The following PAK1 variants were observed in gnomAD, a reference collection of about 807,000 sequenced individuals.
PAK1 encodes the protein serine/threonine-protein kinase PAK 1.
PAK1 carries 29 observed loss-of-function variants against 67.4 expected under a neutral mutation model. That is an observed-to-expected ratio of 0.43 (90% confidence interval 0.32 to 0.59). PAK1 has a LOEUF of 0.59. Among genes scored for constraint, PAK1 ranks in the 20% least tolerant of loss-of-function variants. The pLI, the probability that PAK1 is intolerant of heterozygous loss-of-function variation, is 0.07. For synonymous variants in PAK1, 223 were observed against 237.4 expected (o/e 0.94, Z 0.56); for missense variants, 337 against 670.7 (o/e 0.50, Z 5.50).
the PAK1 span, among the ~76,000 whole-genome samples, chr11:77,488,206 TAG>T: frequency 6.6e-6 from 1 of 152,230 alleles, no homozygotes; most frequent in Non-Finnish European, 1.5e-5. Context: ...GTAAGAGCCA[TAG>T]TGTTACTGGG....
At chr11:77,411,389 A>C (rs557212573) in intron 1 of PAK1, among the ~76,000 whole-genome samples, 58 of 151,954 alleles carry the variant, frequency 3.8e-4, no homozygotes, top group Non-Finnish European at 7.7e-4. Context: ...CAGTTCACTC[A>C]ACCTCTTAAC....
At chr11:77,490,072 T>G in the PAK1 span, among the ~76,000 whole-genome samples, 1 of 149,460 alleles carries the variant, frequency 6.7e-6, no homozygotes, top group Non-Finnish European at 1.5e-5. Context: ...GCCCATCGTC[T>G]GAGATGTGGG....
chr11:77,434,128 T>C (rs1378909668), intron 1 of PAK1, among the ~76,000 whole-genome samples: 1 of 152,218 alleles, frequency 6.6e-6, no homozygotes, highest in African/African-American at 2.4e-5. Context: ...CCTGCAATTC[T>C]ACTCCTAAAT....
chr11:77,431,586 T>G (rs1955861605), intron 1 of PAK1, among the ~76,000 whole-genome samples: 1 of 152,186 alleles, frequency 6.6e-6, no homozygotes, highest in Non-Finnish European at 1.5e-5. Flanking sequence ...ATCATCTCTC[T>G]GAGATGAGAG....
chr11:77,339,040 A>T (rs1943172589), intron 11 of PAK1, among the ~76,000 whole-genome samples: 1 of 152,124 alleles, frequency 6.6e-6, no homozygotes, highest in African/African-American at 2.4e-5. Flanking sequence ...ATATACTAAA[A>T]ACTAGTGAAT....
At chr11:77,459,127 G>A (rs1338325609) in intron 1 of PAK1, among the ~76,000 whole-genome samples, 1 of 152,174 alleles carries the variant, frequency 6.6e-6, no homozygotes, top group Non-Finnish European at 1.5e-5. Flanking sequence ...ATAGAGTAGG[G>A]TTAGAAGAGA....
At chr11:77,387,043 G>C (rs889840565) in intron 2 of PAK1, among the ~76,000 whole-genome samples, 1 of 151,092 alleles carries the variant, frequency 6.6e-6, no homozygotes, top group African/African-American at 2.4e-5. Flanking sequence ...CAAAGTGCTG[G>C]GGTTAAAGGT....
Position 77,418,921 on chromosome 11 carries a change from G to A in PAK1, c.-21-26380C>T, listed in dbSNP as rs767306840. ...ACCAAATAAATAGGACCAGGTAGAC[G>A]AAACAACAAAACATCTATGTACAGT... On this transcript the variant is annotated intron_variant, in intron 1 of 14. Coordinates refer to ENST00000356341, the MANE Select transcript of PAK1 (RefSeq NM_002576.5). Among the ~76,000 whole-genome samples the A allele has an allele frequency of 4.6e-5, 7 of 152,266 alleles. No homozygotes were observed. The East Asian group carries it at 7.7e-4, about 17-fold the overall frequency.
At chr11:77,485,530 C>T in the PAK1 span, among the ~76,000 whole-genome samples, 1 of 152,114 alleles carries the variant, frequency 6.6e-6, no homozygotes, top group Non-Finnish European at 1.5e-5. Context: ...GGCTGGAGTG[C>T]AATGGCGCAA....
intron 1 of PAK1, among the ~76,000 whole-genome samples, chr11:77,429,094 A>AAAAAAAAAAAAAAAAAAAAAAAAAC (rs1565696623): frequency 9.7e-6 from 1 of 102,584 alleles, no homozygotes. Context: ...AAAAAAAAAA[A>AAAAAAAAAAAAAAAAAAAAAAAAAC]CACACACACA....
intron 1 of PAK1, among the ~76,000 whole-genome samples, chr11:77,409,472 C>T (rs927736795): frequency 6.6e-6 from 1 of 151,994 alleles, no homozygotes; most frequent in Non-Finnish European, 1.5e-5. Context: ...GAAAGCAAAT[C>T]AATATATGAA....
chr11:77,516,945 G>A, the PAK1 span, among the ~76,000 whole-genome samples: 2 of 151,918 alleles, frequency 1.3e-5, no homozygotes, highest in South Asian at 4.2e-4. Context: ...GTTCAAGGCT[G>A]CAGTGAGTCA....
intron 1 of PAK1, among the ~76,000 whole-genome samples, chr11:77,461,433 C>T (rs947809): frequency 0.11 from 16,756 of 152,138 alleles, 2,252 homozygotes; most frequent in African/African-American, 0.31. Context: ...AGTTGAAAGG[C>T]TTTAAGAGCA....
At chr11:77,405,125 A>G (rs976288894) in intron 1 of PAK1, among the ~76,000 whole-genome samples, 3 of 152,240 alleles carry the variant, frequency 2.0e-5, no homozygotes, top group Admixed American at 1.3e-4. Flanking sequence ...CGAAGGAGTA[A>G]TAAGTACAAA....
chr11:77,453,260 A>T (rs1956936350), intron 1 of PAK1, among the ~76,000 whole-genome samples: 1 of 152,194 alleles, frequency 6.6e-6, no homozygotes, highest in Non-Finnish European at 1.5e-5. Flanking sequence ...AGGCTGAGGC[A>T]GAAGAATCGC....
intron 13 of PAK1, among the ~76,000 whole-genome samples, chr11:77,334,179 ATAAAAT>A: frequency 4.8e-5 from 7 of 147,240 alleles, no homozygotes; most frequent in African/African-American, 1.2e-4. Flanking sequence ...AAAAAAAAAA[ATAAAAT>A]AAAAATAAAA....
At position 77,353,524 on chromosome 11, in the gene PAK1, G is replaced by A. The variant is rs1295204581; in HGVS notation, c.836+12C>T. On this transcript the variant is annotated intron_variant, in intron 8 of 14. Transcript: ENST00000356341. ...AGTCATTTCTCCAGGGAAAGAAAAT[G>A]CCCCTACTAACCCTTGTCCAATCTT... 1.3e-6 allele frequency: 2 copies of A among 1,584,904 alleles called. No individual in the cohort carries two copies. The highest frequency in any genetic ancestry group is 1.7e-6 in the Non-Finnish European group (2 of 1,153,748).
chr11:77,503,459 G>A, the PAK1 span, among the ~76,000 whole-genome samples: 1 of 152,220 alleles, frequency 6.6e-6, no homozygotes, highest in Non-Finnish European at 1.5e-5. Context: ...CAAACTGTTT[G>A]GTCTCAGGAC....
At chr11:77,353,620 A>G in intron 7 of PAK1, 21 bp from the exon 8 acceptor site, 1 of 1,581,200 alleles carries the variant, frequency 6.3e-7, no homozygotes, top group Non-Finnish European at 8.7e-7. Flanking sequence ...AACAGAGACC[A>G]TGAATCATTT....
Sources: gnomAD v4.1 joint callset for allele counts (sites outside exome capture counted in the v4.1 genomes callset) on GRCh38, gnomAD v4.1.1 for gene constraint, MANE v1.5 for transcripts, NCBI Gene and HGNC (gene_info 2026-07-23, HGNC 2026-07-21) for gene names.